COLEC10: variants seen among roughly 807,000 people sequenced by gnomAD.
COLEC10 encodes the protein collectin subfamily member 10.
A neutral mutation model predicts 28.4 loss-of-function variants in COLEC10; 22 were observed. The ratio of observed to expected loss-of-function variants is 0.78; its 90% CI spans 0.55 to 1.11. COLEC10 has a LOEUF of 1.11. Among genes scored for constraint, COLEC10 ranks in the 50% least tolerant of loss-of-function variants. The pLI, the probability that COLEC10 is intolerant of heterozygous loss-of-function variation, is 0.00. For synonymous variants in COLEC10, 125 were observed against 116.1 expected (o/e 1.08, Z -0.49); for missense variants, 361 against 344.1 (o/e 1.05, Z -0.39).
At chr8:119,103,513 G>A (rs1297243876) in intron 4 of COLEC10, among the ~76,000 whole-genome samples, 3 of 151,886 alleles carry the variant, frequency 2.0e-5, no homozygotes, top group African/African-American at 7.3e-5. Flanking sequence ...AATGCCAAAT[G>A]GTCCAAAATG....
At chr8:118,958,976 T>C in the COLEC10 span, among the ~76,000 whole-genome samples, 2 of 152,224 alleles carry the variant, frequency 1.3e-5, no homozygotes. Flanking sequence ...GATTGAGTCA[T>C]TCCAGAATCT....
upstream of COLEC10, among the ~76,000 whole-genome samples, chr8:118,991,172 T>C (rs1813500682): frequency 1.3e-5 from 2 of 152,198 alleles, no homozygotes; most frequent in African/African-American, 4.8e-5. Context: ...ATATCATTTA[T>C]GATCTGGAGG....
At chr8:119,095,618 C>T (rs1316327000) in intron 3 of COLEC10, among the ~76,000 whole-genome samples, 2 of 152,112 alleles carry the variant, frequency 1.3e-5, no homozygotes, top group African/African-American at 2.4e-5. Context: ...GGGAGAATTG[C>T]TTGAGCCTGG....
intron 1 of COLEC10, among the ~76,000 whole-genome samples, chr8:119,073,084 C>T (rs988524442): frequency 1.3e-5 from 2 of 152,196 alleles, no homozygotes; most frequent in Non-Finnish European, 2.9e-5. Context: ...CCTGTAAGGT[C>T]ACCCTCAGGG....
the COLEC10 span, among the ~76,000 whole-genome samples, chr8:118,977,939 T>C: frequency 6.6e-6 from 1 of 152,022 alleles, no homozygotes; most frequent in Non-Finnish European, 1.5e-5. Flanking sequence ...TGCTGCCCTC[T>C]TATGGTTGCA....
At chr8:119,053,539 A>G (rs1209793434) in intron 2 of COLEC10, among the ~76,000 whole-genome samples, 2 of 152,128 alleles carry the variant, frequency 1.3e-5, no homozygotes, top group Admixed American at 1.3e-4. Context: ...GGTGCTGTGC[A>G]GTGAACAATC....
chr8:118,983,904 G>A, the COLEC10 span, among the ~76,000 whole-genome samples: 1 of 152,104 alleles, frequency 6.6e-6, no homozygotes, highest in Non-Finnish European at 1.5e-5. Flanking sequence ...AATTAGTTCA[G>A]CCATTGTGGA....
intron 2 of COLEC10, among the ~76,000 whole-genome samples, chr8:119,031,765 G>A (rs896976571): frequency 1.3e-5 from 2 of 151,950 alleles, no homozygotes; most frequent in African/African-American, 4.8e-5. Context: ...AGGATAAATG[G>A]AAGGAATAAT....
At chr8:119,053,612 T>A (rs1814712523) in intron 2 of COLEC10, among the ~76,000 whole-genome samples, 1 of 151,778 alleles carries the variant, frequency 6.6e-6, no homozygotes, top group African/African-American at 2.4e-5. Context: ...TAAACTCTTC[T>A]AAAGTCCATT....
chr8:119,107,570 A>T lies in COLEC10; in HGVS notation c.*1379A>T, dbSNP rs1815973526. Among the ~76,000 whole-genome samples, 1 of 152,164 alleles carries T rather than the reference A, an allele frequency of 6.6e-6. No homozygotes were observed. On this transcript the variant is annotated 3_prime_UTR_variant, in exon 6 of 6. Transcript: ENST00000332843. ...GTTCACCTTAAACCATCTGTTCATG[A>T]TTTCACCCGTGACTAACTGGTTATG...
At chr8:119,089,144 A>G (rs1292607576) in intron 1 of COLEC10, among the ~76,000 whole-genome samples, 1 of 152,114 alleles carries the variant, frequency 6.6e-6, no homozygotes, top group Admixed American at 6.6e-5. Flanking sequence ...CATTCATTCA[A>G]TCTTTAATTC....
At chr8:118,963,786 G>A in the COLEC10 span, among the ~76,000 whole-genome samples, 2 of 151,920 alleles carry the variant, frequency 1.3e-5, no homozygotes, top group Non-Finnish European at 2.9e-5. Flanking sequence ...GCTTTTGTCT[G>A]CCTTTTTCAC....
intron 1 of COLEC10, among the ~76,000 whole-genome samples, chr8:119,087,378 G>A (rs1815501219): frequency 6.6e-6 from 1 of 152,158 alleles, no homozygotes; most frequent in Non-Finnish European, 1.5e-5. Flanking sequence ...CAGTCTGGGA[G>A]TATTAGAAAG....
chr8:119,071,412 T>C (rs950563845), intron 1 of COLEC10, among the ~76,000 whole-genome samples: 5 of 152,188 alleles, frequency 3.3e-5, no homozygotes, highest in African/African-American at 1.2e-4. Context: ...CTTTTCACTT[T>C]TGCTTTTCAA....
chr8:119,018,626 A>T (rs1033958647), intron 2 of COLEC10, among the ~76,000 whole-genome samples: 1 of 152,226 alleles, frequency 6.6e-6, no homozygotes, highest in African/African-American at 2.4e-5. Context: ...ATGTCTTGTG[A>T]CTTGATTTTT....
In COLEC10 at chr8:119,079,916, T is replaced by C. The variant is rs948306682; in HGVS notation, c.149-9764T>C. Among the ~76,000 whole-genome samples, 37 of 152,102 alleles carry C rather than the reference T, an allele frequency of 2.4e-4. 1 individual carries two copies. Among genetic ancestry groups the C allele is most frequent in the Non-Finnish European group, 7.4e-5 (5 of 68,006 alleles). ...TGGACTCTAGTAAGCACCCCATAAA[T>C]GTTAGTGATTATCCATATTGACATT... On this transcript the variant is annotated intron_variant, in intron 1 of 5. Coordinates refer to ENST00000332843, the MANE Select transcript of COLEC10 (RefSeq NM_006438.5).
In COLEC10 at chr8:119,091,595, G is replaced by GAGAGAGAGAAAGAAAGAA. The variant is rs1250359009; in HGVS notation, c.292+378_292+379insGAGAGAAAGAAAGAAAGA. 6.8e-4 allele frequency among the ~76,000 whole-genome samples: 94 copies of GAGAGAGAGAAAGAAAGAA among 138,548 alleles called. 1 individual carries two copies. In the East Asian group the frequency reaches 0.017, roughly 25 times the overall value. The allele number at this position is 138,548 out of a possible 152,430, so 90.9% of individuals were successfully genotyped here. A position where few individuals can be genotyped will look rare whatever the true frequency, so the allele number is the denominator to read the frequency against. On this transcript the variant is annotated intron_variant, in intron 3 of 5. Transcript: ENST00000332843. ...AGAAAGAGAGAGAGAGAGAGAGAGA[G>GAGAGAGAGAAAGAAAGAA]AGAAAGAAAGAAAGAAAGAAAGAAA... is the stretch of plus-strand genomic sequence containing the variant.
At chr8:118,974,582 A>G in the COLEC10 span, among the ~76,000 whole-genome samples, 1 of 152,094 alleles carries the variant, frequency 6.6e-6, no homozygotes, top group East Asian at 1.9e-4. Flanking sequence ...ATGGAGGGGT[A>G]TTGGCATGAG....
chr8:119,022,478 TA>T (rs1425358103), intron 2 of COLEC10, among the ~76,000 whole-genome samples: 3 of 152,048 alleles, frequency 2.0e-5, no homozygotes, highest in East Asian at 3.9e-4. Flanking sequence ...GTAAGGAAGA[TA>T]AAAAAAGGAG....
Sources: gnomAD v4.1 joint callset for allele counts (sites outside exome capture counted in the v4.1 genomes callset) on GRCh38, gnomAD v4.1.1 for gene constraint, MANE v1.5 for transcripts, NCBI Gene and HGNC (gene_info 2026-07-23, HGNC 2026-07-21) for gene names.